Variants in BIRC6 observed in about 807,000 individuals in gnomAD.
BIRC6 encodes dual E2 ubiquitin-conjugating enzyme/E3 ubiquitin-protein ligase BIRC6.
In BIRC6, 98 loss-of-function variants were observed where a neutral mutation model predicts 503.3. The ratio of observed to expected loss-of-function variants is 0.19; its 90% CI spans 0.17 to 0.23. The LOEUF is 0.23. Among genes scored for constraint, BIRC6 ranks in the 10% least tolerant of loss-of-function variants. The pLI is 1.00. For missense variants in BIRC6, 5,360 were observed against 5,806.0 expected (o/e 0.92, Z 2.50); for synonymous variants, 2,240 against 2,078.7 (o/e 1.08, Z -2.11).
chr2:32,598,794 A>G (rs557195585), intron 69 of BIRC6, among the ~76,000 whole-genome samples: 77 of 152,058 alleles, frequency 5.1e-4, no homozygotes, highest in African/African-American at 1.7e-3. Context: ...AGGCTGAGGT[A>G]GGCAGATCAC....
intron 47 of BIRC6, among the ~76,000 whole-genome samples, chr2:32,502,213 T>C (rs578200765): frequency 5.3e-5 from 8 of 152,316 alleles, no homozygotes; most frequent in African/African-American, 1.7e-4. Context: ...ATAGATGTTA[T>C]GTAAGAAGAA....
At chr2:32,588,041 G>A (rs2061169479) in intron 66 of BIRC6, among the ~76,000 whole-genome samples, 1 of 152,172 alleles carries the variant, frequency 6.6e-6, no homozygotes, top group Admixed American at 6.5e-5. Context: ...AGCTGTCGAT[G>A]TTTTTCTTGC....
rs906475908 is a variant in BIRC6, at chr2:32,573,783, ACT to A, written c.13145-1370_13145-1369del. Among the ~76,000 whole-genome samples, 17 of 152,214 alleles carry A rather than the reference ACT, an allele frequency of 1.1e-4. No homozygotes were observed. The East Asian group carries it at 1.2e-3, about 10-fold the overall frequency. ...AAAGAAAGTTGATTTATTGAAATAG[ACT>A]CTGGATAAATTGCAATTCTGTCATT... On this transcript the variant is annotated intron_variant, in intron 65 of 73. Coordinates refer to ENST00000421745, the MANE Select transcript of BIRC6 (RefSeq NM_016252.4).
intron 32 of BIRC6, 135 bp from the exon 33 acceptor site, chr2:32,472,977 T>C (rs1366105660): frequency 3.4e-5 from 23 of 680,240 alleles, no homozygotes; most frequent in Non-Finnish European, 5.5e-5. Context: ...GCAATTTCTT[T>C]ACAATGTTTT....
intron 5 of BIRC6, among the ~76,000 whole-genome samples, chr2:32,393,476 A>G (rs1457349939): frequency 2.0e-5 from 3 of 152,198 alleles, no homozygotes; most frequent in Non-Finnish European, 4.4e-5. Context: ...TCTAATACTT[A>G]TATGTCAGTT....
intron 6 of BIRC6, among the ~76,000 whole-genome samples, chr2:32,399,550 C>T (rs2040372662): frequency 1.3e-5 from 2 of 152,130 alleles, no homozygotes; most frequent in South Asian, 4.1e-4. Flanking sequence ...TACCATCACG[C>T]CTGGCTCATG....
intron 66 of BIRC6, among the ~76,000 whole-genome samples, chr2:32,591,806 G>T (rs548275368): frequency 6.6e-6 from 1 of 152,136 alleles, no homozygotes; most frequent in Non-Finnish European, 1.5e-5. Context: ...TTAATAATTT[G>T]TCAAGACCTG....
In BIRC6 at chr2:32,508,024, A is replaced by G. The variant is rs749495453; in HGVS notation, c.9745A>G (p.Asn3249Asp). 1 of 1,613,890 alleles carries G rather than the reference A, an allele frequency of 6.2e-7. No homozygotes were observed. The highest frequency in any genetic ancestry group is 8.5e-7 in the Non-Finnish European group (1 of 1,179,860). Residue 3249 changes from asparagine to aspartate, a missense_variant, in exon 51 of 74, where the codon AAT becomes GAT. By Grantham distance (23) the Asn-to-Asp change is conservative. Coordinates refer to ENST00000421745, the MANE Select transcript of BIRC6 (RefSeq NM_016252.4). ...VSVEVSADGV[N>D]MLPLSTPVVT... ...TGTTGAAGTAAGTGCAGATGGGGTA[A>G]ATATGCTACCTTTGTCCACTCCTGT...
At chr2:32,514,945 TA>T (rs768852604) in intron 54 of BIRC6, 44 bp from the exon 55 acceptor site, 15 of 1,443,324 alleles carry the variant, frequency 1.0e-5, no homozygotes, top group Non-Finnish European at 1.4e-5. Context: ...TAGTTTCTTC[TA>T]AAAATATACT....
chr2:32,372,036 C>T (rs183679804), intron 1 of BIRC6, among the ~76,000 whole-genome samples: 32 of 152,154 alleles, frequency 2.1e-4, no homozygotes, highest in Admixed American at 2.1e-3. Context: ...AACTCCTGAC[C>T]TCAAGTGATC....
Position 32,505,020 on chromosome 2 carries a change from G to A in BIRC6, c.9515G>A (p.Ser3172Asn). Reference protein sequence around the residue: ...NFAPLGTITSSSPTAQPAEVL... With the variant: ...NFAPLGTITSNSPTAQPAEVL... ...TCTTCTCTAGGTACAATCACATCTA[G>A]CAGTCCTACTGCCCAACCAGCTGAA... The change falls in exon 50 of 74, where the codon AGC becomes AAC. Residue 3172 changes from serine to asparagine, a missense_variant. This residue lies in a region of BIRC6 where 267 missense variants were observed against 287.6 expected (regional missense o/e 0.93). Coordinates refer to ENST00000421745, the MANE Select transcript of BIRC6 (RefSeq NM_016252.4). The A allele has an allele frequency of 6.2e-7, 1 of 1,613,422 alleles. No homozygotes were observed. The highest frequency in any genetic ancestry group is 8.5e-7 in the Non-Finnish European group (1 of 1,179,582).
chr2:32,506,833 C>T (rs1350772476), intron 50 of BIRC6, among the ~76,000 whole-genome samples: 1 of 152,134 alleles, frequency 6.6e-6, no homozygotes, highest in Non-Finnish European at 1.5e-5. Flanking sequence ...ATTACTTAAT[C>T]TCTTTTTGCT....
At position 32,543,346 on chromosome 2, in the gene BIRC6, C is replaced by T; in HGVS notation, c.12397C>T (p.Pro4133Ser). Residue 4133 changes from proline to serine, a missense_variant, in exon 62 of 74, where the codon CCA becomes TCA. Physicochemically the swap from Pro to Ser is moderately conservative, Grantham distance 74. This residue lies in a region of BIRC6 where 477 missense variants were observed against 574.4 expected (regional missense o/e 0.83). Coordinates refer to ENST00000421745, the MANE Select transcript of BIRC6 (RefSeq NM_016252.4). ...EQSGELVYEA[P>S]ETVAAEPPPI... ...GTCAGGGGAGTTAGTTTATGAAGCA[C>T]CAGAAACTGTTGCGGCTGAACCTCC... The T allele has an allele frequency of 6.2e-7, 1 of 1,613,942 alleles. No individual in the cohort carries two copies. The highest frequency in any genetic ancestry group is 8.5e-7 in the Non-Finnish European group (1 of 1,179,872).
chr2:32,545,565 A>G, intron 62 of BIRC6, 78 bp from the exon 63 acceptor site: 1 of 1,190,380 alleles, frequency 8.4e-7, no homozygotes, highest in South Asian at 1.2e-5. Flanking sequence ...TGTCATTATT[A>G]ATTTATGACC....
At chr2:32,524,012 C>G (rs1348588267) in intron 57 of BIRC6, among the ~76,000 whole-genome samples, 1 of 150,560 alleles carries the variant, frequency 6.6e-6, no homozygotes, top group African/African-American at 2.5e-5. Flanking sequence ...CCACTGCACT[C>G]CAGCCTGGGC....
chr2:32,549,188 A>G (rs1219443074), intron 64 of BIRC6, 125 bp from the exon 65 acceptor site: 1 of 581,748 alleles, frequency 1.7e-6, no homozygotes. Context: ...ATTTTAAAAC[A>G]TAGTATAAGA....
Position 32,545,868 on chromosome 2 carries a change from C to G in BIRC6, c.12810+8C>G, listed in dbSNP as rs1437481144. The G allele has an allele frequency of 2.5e-6, 4 of 1,605,574 alleles. No homozygotes were observed. Among genetic ancestry groups the G allele is most frequent in the Non-Finnish European group, 3.4e-6 (4 of 1,172,656 alleles). On this transcript the variant is annotated splice_region_variant and intron_variant, in intron 63 of 73. Coordinates refer to ENST00000421745, the MANE Select transcript of BIRC6 (RefSeq NM_016252.4). Reference sequence around the variant, plus strand: ...AGCGTGAATCAAACTGAGGTAGGTTCACTTTTAATTATTTCAGTTATTAAA... The same window carrying G: ...AGCGTGAATCAAACTGAGGTAGGTTGACTTTTAATTATTTCAGTTATTAAA...
At chr2:32,442,984 A>G (rs1315129115) in intron 19 of BIRC6, among the ~76,000 whole-genome samples, 1 of 152,194 alleles carries the variant, frequency 6.6e-6, no homozygotes, top group African/African-American at 2.4e-5. Flanking sequence ...TCCTATATAT[A>G]CATACCTGCA....
chr2:32,545,500 G>A, intron 62 of BIRC6, 143 bp from the exon 63 acceptor site: 1 of 685,732 alleles, frequency 1.5e-6, no homozygotes, highest in South Asian at 1.8e-5. Context: ...TATTACTGTT[G>A]TATTTGTGGT....
Sources: allele counts gnomAD v4.1 joint callset (sites outside exome capture counted in the v4.1 genomes callset), GRCh38; gene constraint gnomAD v4.1.1; regional missense constraint gnomAD v4.1.1; transcripts MANE v1.5; gene names NCBI Gene and HGNC (gene_info 2026-07-23, HGNC 2026-07-21).